The following MAGI1 variants were observed in gnomAD, a reference collection of about 807,000 sequenced individuals.
MAGI1 encodes the protein membrane-associated guanylate kinase, WW and PDZ domain-containing protein 1.
A neutral mutation model predicts 139.9 loss-of-function variants in MAGI1; 58 were observed. The ratio of observed to expected loss-of-function variants is 0.41; its 90% CI spans 0.34 to 0.52. MAGI1 has a LOEUF of 0.52. MAGI1 is among the 20% of genes least tolerant of loss of function. The pLI is 0.12. For synonymous variants in MAGI1, 812 were observed against 737.9 expected (o/e 1.10, Z -1.63); for missense variants, 1,874 against 1,901.6 (o/e 0.99, Z 0.27).
rs542215581 is a variant in MAGI1, at chr3:65,976,757, T to G, written c.313+61239A>C. Reference sequence around the variant, plus strand: ...ACCAAACTCAATTACATACAAGAATTAATCGAAACACACTTAGCTTAAGGC... The same window carrying G: ...ACCAAACTCAATTACATACAAGAATGAATCGAAACACACTTAGCTTAAGGC... On this transcript the variant is annotated intron_variant, in intron 1 of 22. Coordinates refer to ENST00000402939, the MANE Select transcript of MAGI1 (RefSeq NM_001033057.2). Among the ~76,000 whole-genome samples the G allele has an allele frequency of 8.7e-4, 132 of 152,342 alleles. 1 individual carries two copies. Among genetic ancestry groups the G allele is most frequent in the African/African-American group, 3.1e-3 (129 of 41,586 alleles).
intron 1 of MAGI1, among the ~76,000 whole-genome samples, chr3:65,735,462 G>T (rs1343409891): frequency 6.6e-6 from 1 of 151,792 alleles, no homozygotes; most frequent in East Asian, 1.9e-4. Flanking sequence ...GAACCAATAA[G>T]ATGAGTGAGA....
chr3:65,430,708 T>C lies in MAGI1; in HGVS notation c.1537A>G (p.Met513Val). The part of the protein sequence containing the change: ...LDGPAALDGK[M>V]ETGDVIVSVN... ...GCCATGTTGACGCTACCTGTTTCCA[T>C]CTTGCCATCCAATGCAGCAGGACCA... Residue 513 changes from methionine to valine, a missense_variant, in exon 11 of 23, where the codon ATG becomes GTG. This residue lies in a region of MAGI1 where 86 missense variants were observed against 130.0 expected (regional missense o/e 0.66). Transcript: ENST00000402939. The C allele has an allele frequency of 6.2e-7, 1 of 1,613,306 alleles. No individual in the cohort carries two copies.
At chr3:65,627,485 C>CTTTTTTTTTTTTTT (rs779588733) in intron 1 of MAGI1, among the ~76,000 whole-genome samples, 2 of 28,322 alleles carry the variant, frequency 7.1e-5, no homozygotes, top group Non-Finnish European at 1.4e-4. Flanking sequence ...ATTTCTGTAT[C>CTTTTTTTTTTTTTT]TTTTTTTTTT....
At chr3:65,645,618 T>G (rs578090082) in intron 1 of MAGI1, among the ~76,000 whole-genome samples, 1 of 151,902 alleles carries the variant, frequency 6.6e-6, no homozygotes, top group East Asian at 1.9e-4. Flanking sequence ...ATGAAAAGAG[T>G]AAAAGTACAA....
intron 1 of MAGI1, among the ~76,000 whole-genome samples, chr3:65,910,100 C>G (rs749989465): frequency 2.2e-4 from 34 of 152,212 alleles, no homozygotes; most frequent in Non-Finnish European, 2.4e-4. Flanking sequence ...CAGTTCCTAA[C>G]AGGCCACAGA....
intron 1 of MAGI1, among the ~76,000 whole-genome samples, chr3:65,957,571 T>G (rs2064196341): frequency 6.7e-6 from 1 of 148,636 alleles, no homozygotes. Context: ...TACAGCTACA[T>G]GCGACATGGA....
intron 1 of MAGI1, among the ~76,000 whole-genome samples, chr3:65,657,738 T>C (rs996756678): frequency 6.6e-6 from 1 of 152,206 alleles, no homozygotes; most frequent in African/African-American, 2.4e-5. Context: ...ACAATGAAAT[T>C]TGCTCCTAAG....
intron 2 of MAGI1, among the ~76,000 whole-genome samples, chr3:65,602,587 CG>C: frequency 6.6e-6 from 1 of 151,546 alleles, no homozygotes; most frequent in Non-Finnish European, 1.5e-5. Context: ...GTTTCTTTCT[CG>C]GGGTGATAAA....
At chr3:65,798,166 T>C (rs1160062110) in intron 1 of MAGI1, among the ~76,000 whole-genome samples, 1 of 151,508 alleles carries the variant, frequency 6.6e-6, no homozygotes, top group Non-Finnish European at 1.5e-5. Context: ...TAGCTGGGCA[T>C]GGTGGGGTGT....
chr3:65,927,676 G>A (rs2106683705), intron 1 of MAGI1, among the ~76,000 whole-genome samples: 1 of 152,288 alleles, frequency 6.6e-6, no homozygotes, highest in East Asian at 1.9e-4. Flanking sequence ...GATACAATGA[G>A]GAAAACCTGG....
intron 1 of MAGI1, among the ~76,000 whole-genome samples, chr3:65,835,270 G>T (rs1202174625): frequency 6.6e-6 from 1 of 151,888 alleles, no homozygotes; most frequent in African/African-American, 2.4e-5. Flanking sequence ...TTATTTTACT[G>T]TCAGGGACTA....
chr3:65,826,107 A>G (rs955028312), intron 1 of MAGI1, among the ~76,000 whole-genome samples: 1 of 152,108 alleles, frequency 6.6e-6, no homozygotes, highest in Non-Finnish European at 1.5e-5. Context: ...ATATACATGC[A>G]TGGTATACAC....
chr3:65,575,329 T>C (rs1419149768), intron 2 of MAGI1, among the ~76,000 whole-genome samples: 1 of 152,028 alleles, frequency 6.6e-6, no homozygotes, highest in African/African-American at 2.4e-5. Context: ...CATAATGAGG[T>C]ACCAAGATAT....
intron 2 of MAGI1, among the ~76,000 whole-genome samples, chr3:65,548,676 C>G (rs538317404): frequency 1.2e-3 from 180 of 152,070 alleles, no homozygotes; most frequent in Non-Finnish European, 2.3e-3. Context: ...GCATGCGCCA[C>G]CACGCCGGGC....
intron 1 of MAGI1, chr3:66,008,662 T>C (rs2067159038): frequency 6.6e-6 from 1 of 152,092 alleles, no homozygotes; most frequent in Non-Finnish European, 1.5e-5. Flanking sequence ...ATGTTAGAAT[T>C]GAAATCTGCA....
intron 2 of MAGI1, among the ~76,000 whole-genome samples, chr3:65,613,637 C>T (rs954862407): frequency 2.0e-5 from 3 of 152,062 alleles, no homozygotes; most frequent in South Asian, 2.1e-4. Flanking sequence ...GGGTTAACAA[C>T]GTATAATAAG....
At chr3:65,884,704 A>C (rs1020626272) in intron 1 of MAGI1, among the ~76,000 whole-genome samples, 1 of 152,092 alleles carries the variant, frequency 6.6e-6, no homozygotes, top group Non-Finnish European at 1.5e-5. Context: ...CCAGGTAATG[A>C]ACACAATCCC....
chr3:65,555,152 G>A (rs1276080151), intron 2 of MAGI1, among the ~76,000 whole-genome samples: 1 of 152,082 alleles, frequency 6.6e-6, no homozygotes. Flanking sequence ...AAATTAAAAG[G>A]TTTTTTTAAA....
chr3:65,650,353 T>G (rs1314134027), intron 1 of MAGI1, among the ~76,000 whole-genome samples: 1 of 152,134 alleles, frequency 6.6e-6, no homozygotes, highest in Non-Finnish European at 1.5e-5. Context: ...TCCACAACAA[T>G]GAAAAATCAT....
Sources: gnomAD v4.1 joint callset for allele counts (sites outside exome capture counted in the v4.1 genomes callset) on GRCh38, gnomAD v4.1.1 for gene constraint, gnomAD v4.1.1 regional missense constraint, MANE v1.5 for transcripts, NCBI Gene and HGNC (gene_info 2026-07-23, HGNC 2026-07-21) for gene names.